The following DCC variants were observed in gnomAD, a reference collection of about 807,000 sequenced individuals.
The protein encoded by DCC is netrin receptor DCC.
In DCC, 58 loss-of-function variants were observed where a neutral mutation model predicts 172.5. That is an observed-to-expected ratio of 0.34 (90% confidence interval 0.27 to 0.42). The LOEUF is 0.42. DCC is among the 10% of genes least tolerant of loss of function. The pLI, the probability that DCC is intolerant of heterozygous loss-of-function variation, is 1.00. For synonymous variants in DCC, 709 were observed against 644.5 expected, an observed-to-expected ratio of 1.10 and a Z score of -1.52; for missense variants, 1,740 against 1,791.0, an observed-to-expected ratio of 0.97 and a Z score of 0.51.
chr18:52,983,467 T>C (rs972386311), intron 5 of DCC, among the ~76,000 whole-genome samples: 1 of 152,206 alleles, frequency 6.6e-6, no homozygotes, highest in Non-Finnish European at 1.5e-5. Flanking sequence ...AAATTCTAAA[T>C]GTGAATAACA....
intron 12 of DCC, among the ~76,000 whole-genome samples, chr18:53,230,720 C>G (rs527584447): frequency 4.6e-5 from 7 of 151,850 alleles, no homozygotes; most frequent in Non-Finnish European, 8.8e-5. Flanking sequence ...AAATGCTGGC[C>G]TTAAGAATTT....
intron 1 of DCC, among the ~76,000 whole-genome samples, chr18:52,497,392 T>TATACATATGTGTATATATGTATACACAC (rs2030839804): frequency 2.0e-5 from 3 of 147,822 alleles, no homozygotes; most frequent in African/African-American, 7.5e-5. Flanking sequence ...TATACACACA[T>TATACATATGTGTATATATGTATACACAC]ATACATATGT....
intron 12 of DCC, among the ~76,000 whole-genome samples, chr18:53,293,258 A>G (rs558085304): frequency 2.0e-5 from 3 of 152,324 alleles, no homozygotes; most frequent in Admixed American, 2.0e-4. Flanking sequence ...GCCTTTCTCT[A>G]AATGATTCAG....
At chr18:52,483,922 C>G (rs1380828005) in intron 1 of DCC, among the ~76,000 whole-genome samples, 1 of 151,988 alleles carries the variant, frequency 6.6e-6, no homozygotes, top group African/African-American at 2.4e-5. Flanking sequence ...GCACTACTTT[C>G]TGAGAGATCT....
intron 1 of DCC, among the ~76,000 whole-genome samples, chr18:52,343,833 G>A (rs756559842): frequency 1.3e-5 from 2 of 152,246 alleles, no homozygotes; most frequent in African/African-American, 2.4e-5. Context: ...AACCAAAGCA[G>A]ATCAGATGCC....
rs183052854 is a variant in DCC, at chr18:53,498,079, C to A, written c.3899-1219C>A. ...GCTCAATGACCCAGAAGACCTCTAA[C>A]CCCTTCTGAATATAGAAGAATGAGT... is the stretch of plus-strand genomic sequence containing the variant. On this transcript the variant is annotated intron_variant, in intron 26 of 28. Coordinates refer to ENST00000442544, the MANE Select transcript of DCC (RefSeq NM_005215.4). Among the ~76,000 whole-genome samples, 329 of 152,312 alleles carry A rather than the reference C, an allele frequency of 2.2e-3. 4 individuals are homozygous for A. Among genetic ancestry groups the A allele is most frequent in the Non-Finnish European group, 2.5e-3 (169 of 68,036 alleles).
intron 1 of DCC, among the ~76,000 whole-genome samples, chr18:52,665,168 C>A (rs1029799156): frequency 1.3e-5 from 2 of 152,130 alleles, no homozygotes; most frequent in Non-Finnish European, 2.9e-5. Context: ...GAAGGTGAAG[C>A]CAGGACATTG....
intron 1 of DCC, among the ~76,000 whole-genome samples, chr18:52,734,582 T>A (rs1207734048): frequency 6.6e-6 from 1 of 152,032 alleles, no homozygotes; most frequent in Non-Finnish European, 1.5e-5. Context: ...AGAGTCTGAG[T>A]TTCTCTGGCC....
At chr18:53,184,857 G>T (rs140308398) in intron 9 of DCC, among the ~76,000 whole-genome samples, 2 of 152,080 alleles carry the variant, frequency 1.3e-5, no homozygotes, top group Non-Finnish European at 2.9e-5. Flanking sequence ...TTAAAGTATG[G>T]TTACATAAAT....
intron 7 of DCC, among the ~76,000 whole-genome samples, chr18:53,126,331 T>A (rs1296584629): frequency 6.6e-6 from 1 of 152,120 alleles, no homozygotes; most frequent in Non-Finnish European, 1.5e-5. Flanking sequence ...CTATAATGCC[T>A]CAACTCTCTA....
Position 53,486,846 on chromosome 18 carries a change from A to G in DCC, c.3786A>G (p.Pro1262=). Reference sequence around the variant, plus strand: ...CAACGCTAGAAAGTGCCCAGTACCCAGGAATCCTCCCGTCTCCCACCTGTG... The same window carrying G: ...CAACGCTAGAAAGTGCCCAGTACCCGGGAATCCTCCCGTCTCCCACCTGTG... ...PVPTLESAQY[P]GILPSPTCGY... The change falls in exon 26 of 29, where the codon CCA becomes CCG. Residue 1262 remains proline (P), a synonymous_variant. Coordinates refer to ENST00000442544, the MANE Select transcript of DCC (RefSeq NM_005215.4). 6.2e-7 allele frequency: 1 copy of G among 1,614,136 alleles called. No homozygotes were observed. The highest frequency in any genetic ancestry group is 1.3e-5 in the African/African-American group (1 of 75,038).
At chr18:53,057,079 T>TAAA (rs11316527) in intron 5 of DCC, among the ~76,000 whole-genome samples, 65 of 89,282 alleles carry the variant, frequency 7.3e-4, no homozygotes, top group African/African-American at 1.1e-3. Flanking sequence ...CTTCTAAAAG[T>TAAA]AAAAAAAAAA....
intron 1 of DCC, among the ~76,000 whole-genome samples, chr18:52,408,795 G>A (rs139672232): frequency 6.3e-4 from 96 of 152,078 alleles, no homozygotes; most frequent in African/African-American, 2.3e-3. Flanking sequence ...TCAAATTGTT[G>A]TGCATTTTGT....
intron 1 of DCC, among the ~76,000 whole-genome samples, chr18:52,501,648 G>A (rs1452775863): frequency 6.6e-6 from 1 of 152,108 alleles, no homozygotes; most frequent in South Asian, 2.1e-4. Flanking sequence ...GTTGGAGAAC[G>A]CTACCTGAGA....
chr18:52,561,278 A>ATG, intron 1 of DCC, among the ~76,000 whole-genome samples: 1 of 7,092 alleles, frequency 1.4e-4, no homozygotes, highest in Non-Finnish European at 7.5e-3. Flanking sequence ...TTATGATTTT[A>ATG]TGTGTGTGTA....
At chr18:53,268,387 A>G (rs367635295) in intron 12 of DCC, among the ~76,000 whole-genome samples, 39 of 152,304 alleles carry the variant, frequency 2.6e-4, no homozygotes, top group African/African-American at 8.4e-4. Context: ...CTTTTTCACA[A>G]TTAATAAAAT....
chr18:52,874,135 A>G (rs1476213603), intron 2 of DCC, among the ~76,000 whole-genome samples: 1 of 152,140 alleles, frequency 6.6e-6, no homozygotes, highest in Non-Finnish European at 1.5e-5. Context: ...TAAAACACTT[A>G]CCCTAAACTT....
intron 12 of DCC, among the ~76,000 whole-genome samples, chr18:53,277,241 G>T (rs776273820): frequency 6.6e-6 from 1 of 152,078 alleles, no homozygotes; most frequent in Non-Finnish European, 1.5e-5. Flanking sequence ...AGGCCAAGGC[G>T]GGAGGATCAC....
chr18:53,029,494 TC>T (rs1362487918), intron 5 of DCC, among the ~76,000 whole-genome samples: 3 of 152,164 alleles, frequency 2.0e-5, no homozygotes, highest in African/African-American at 7.2e-5. Context: ...TTCTCCATGA[TC>T]CCACAGCAAA....
Sources: gnomAD v4.1 joint callset for allele counts (sites outside exome capture counted in the v4.1 genomes callset) on GRCh38, gnomAD v4.1.1 for gene constraint, MANE v1.5 for transcripts, NCBI Gene and HGNC (gene_info 2026-07-23, HGNC 2026-07-21) for gene names.